The following PTPRN2 variants were observed in gnomAD, a reference collection of about 807,000 sequenced individuals.
PTPRN2 encodes protein tyrosine phosphatase receptor type N2.
In PTPRN2, 74 loss-of-function variants were observed where a neutral mutation model predicts 118.8. The ratio of observed to expected loss-of-function variants is 0.62; its 90% confidence interval spans 0.52 to 0.76. The LOEUF (loss-of-function observed/expected upper bound fraction) is 0.76, where lower values mean the gene tolerates loss of function less well. Ranked by LOEUF, PTPRN2 falls within the 30% of genes least tolerant of loss-of-function variation. The pLI is 0.00. For synonymous variants in PTPRN2, 641 were observed against 608.0 expected, an observed-to-expected ratio of 1.05 and a Z score of -0.80; for missense variants, 1,481 against 1,394.4, an observed-to-expected ratio of 1.06 and a Z score of -0.99.
chr7:157,967,276 C>T (rs1175103041), intron 11 of PTPRN2, among the ~76,000 whole-genome samples: 1 of 152,222 alleles, frequency 6.6e-6, no homozygotes, highest in African/African-American at 2.4e-5. Flanking sequence ...TGCCACTGCA[C>T]TCCAGCCTGG....
chr7:158,433,724 ATTTC>A (rs1266418293), intron 2 of PTPRN2, among the ~76,000 whole-genome samples: 5 of 151,954 alleles, frequency 3.3e-5, no homozygotes, highest in African/African-American at 9.7e-5. Context: ...ATATTCTTAT[ATTTC>A]TTTAACTTCA....
intron 11 of PTPRN2, among the ~76,000 whole-genome samples, chr7:157,946,522 G>T (rs191451883): frequency 3.9e-4 from 60 of 152,298 alleles, no homozygotes; most frequent in African/African-American, 1.3e-3. Flanking sequence ...ATGCAGCCCA[G>T]ATGTGAAGGC....
At chr7:157,757,294 C>CATGGGTGAAGGCTGAGTCTG (rs1801845030) in intron 12 of PTPRN2, among the ~76,000 whole-genome samples, 1 of 152,136 alleles carries the variant, frequency 6.6e-6, no homozygotes, top group African/African-American at 2.4e-5. Flanking sequence ...CAGAAGTGGC[C>CATGGGTGAAGGCTGAGTCTG]CACGGAGGAG....
At chr7:158,515,935 C>T (rs921193982) in intron 1 of PTPRN2, among the ~76,000 whole-genome samples, 3 of 152,172 alleles carry the variant, frequency 2.0e-5, no homozygotes, top group Admixed American at 6.5e-5. Context: ...TCTTTCTGGA[C>T]GTTGTAACCT....
chr7:157,999,006 G>T (rs1436864074), intron 11 of PTPRN2, among the ~76,000 whole-genome samples: 1 of 151,892 alleles, frequency 6.6e-6, no homozygotes. Flanking sequence ...GACCCCTACA[G>T]TGCTGACAGT....
chr7:158,321,190 T>C (rs1178901122), intron 2 of PTPRN2, among the ~76,000 whole-genome samples: 1 of 152,040 alleles, frequency 6.6e-6, no homozygotes, highest in Non-Finnish European at 1.5e-5. Flanking sequence ...AGCTCCACCG[T>C]CTCAGACGTG....
At chr7:157,799,267 G>A (rs1321108520) in intron 12 of PTPRN2, among the ~76,000 whole-genome samples, 1 of 152,144 alleles carries the variant, frequency 6.6e-6, no homozygotes, top group East Asian at 1.9e-4. Flanking sequence ...CTGCACCGAG[G>A]CTTCAGCAGC....
chr7:158,080,388 T>A (rs1812720509), intron 11 of PTPRN2, among the ~76,000 whole-genome samples: 1 of 149,634 alleles, frequency 6.7e-6, no homozygotes, highest in South Asian at 2.1e-4. Flanking sequence ...AAACCAAGTG[T>A]CATTTCCCGC....
At chr7:157,883,714 A>T (rs1796296710) in intron 12 of PTPRN2, among the ~76,000 whole-genome samples, 1 of 147,756 alleles carries the variant, frequency 6.8e-6, no homozygotes, top group Non-Finnish European at 1.5e-5. Context: ...ACACCACCCC[A>T]GAAAAGACTG....
intron 12 of PTPRN2, among the ~76,000 whole-genome samples, chr7:157,736,277 T>G (rs1326846061): frequency 1.3e-5 from 2 of 152,112 alleles, no homozygotes; most frequent in Admixed American, 1.3e-4. Context: ...GCCTTGCAGT[T>G]TTAGAGGTTG....
chr7:158,122,667 A>G (rs1306037450), intron 9 of PTPRN2, among the ~76,000 whole-genome samples: 1 of 152,190 alleles, frequency 6.6e-6, no homozygotes. Context: ...GGAACACACT[A>G]TTATTGGCCT....
At chr7:157,660,222 A>T (rs1280101097) in intron 13 of PTPRN2, among the ~76,000 whole-genome samples, 3 of 152,128 alleles carry the variant, frequency 2.0e-5, no homozygotes, top group Non-Finnish European at 4.4e-5. Flanking sequence ...CGAGAATGTG[A>T]CCCTCTGGGG....
At position 158,550,882 on chromosome 7, in the gene PTPRN2, G is replaced by A. The variant is rs112995729; in HGVS notation, c.112+36676C>T. ...TTTTTAACTCCATCAGGCGGCCGTCGCGCTTCCCTTCACGCTTTCCTTCAC... is the reference window on the plus strand; with the variant it reads ...TTTTTAACTCCATCAGGCGGCCGTCACGCTTCCCTTCACGCTTTCCTTCAC... On this transcript the variant is annotated intron_variant, in intron 1 of 22. Coordinates refer to ENST00000389418, the MANE Select transcript of PTPRN2 (RefSeq NM_002847.5). 7.6e-3 allele frequency among the ~76,000 whole-genome samples: 1,160 copies of A among 152,250 alleles called. 11 individuals are homozygous for A. The highest frequency in any genetic ancestry group is 0.026 in the African/African-American group (1,083 of 41,536).
intron 2 of PTPRN2, among the ~76,000 whole-genome samples, chr7:158,365,862 A>ACAC (rs71200013): frequency 5.0e-4 from 69 of 138,604 alleles, no homozygotes; most frequent in Non-Finnish European, 6.7e-4. Flanking sequence ...ACACACACAC[A>ACAC]GCATCCCTGG....
At chr7:158,534,947 A>G (rs890906433) in intron 1 of PTPRN2, among the ~76,000 whole-genome samples, 4 of 152,190 alleles carry the variant, frequency 2.6e-5, no homozygotes, top group Non-Finnish European at 4.4e-5. Flanking sequence ...GTCAGCAGGC[A>G]GGCGTTTCAG....
intron 2 of PTPRN2, among the ~76,000 whole-genome samples, chr7:158,387,553 G>A (rs1811546997): frequency 6.6e-6 from 1 of 152,300 alleles, no homozygotes; most frequent in African/African-American, 2.4e-5. Context: ...GGACTCCAGG[G>A]GGCTGCGGCA....
chr7:157,926,062 G>A (rs1254223961), intron 11 of PTPRN2, among the ~76,000 whole-genome samples: 3 of 152,270 alleles, frequency 2.0e-5, no homozygotes, highest in Non-Finnish European at 2.9e-5. Context: ...TGAGGCGAAT[G>A]GATGAATTTA....
intron 2 of PTPRN2, among the ~76,000 whole-genome samples, chr7:158,416,583 A>C (rs1419449835): frequency 1.3e-5 from 2 of 152,242 alleles, no homozygotes; most frequent in Non-Finnish European, 2.9e-5. Flanking sequence ...ATTTCGCAGA[A>C]GTGAATTATC....
chr7:157,794,353 C>T lies in PTPRN2; in HGVS notation c.1788+104320G>A, dbSNP rs917793278. Among the ~76,000 whole-genome samples the T allele has an allele frequency of 1.3e-5, 2 of 151,878 alleles. No homozygotes were observed. Among genetic ancestry groups the T allele is most frequent in the African/African-American group, 4.9e-5 (2 of 41,136 alleles). On this transcript the variant is annotated intron_variant, in intron 12 of 22. Transcript: ENST00000389418. The surrounding 1 kb of genome is among the most constrained non-coding windows in gnomAD (Gnocchi z 5.2). ...CCCTGCTCCACCCAGGCTGCCTGCA[C>T]TTCCGGTTCTGCGTCTGGCCGGCCT... is the stretch of plus-strand genomic sequence containing the variant.
Sources: gnomAD v4.1 joint callset for allele counts (sites outside exome capture counted in the v4.1 genomes callset) on GRCh38, gnomAD v4.1.1 for gene constraint, Gnocchi (gnomAD v3.1) non-coding constraint, MANE v1.5 for transcripts, NCBI Gene and HGNC (gene_info 2026-07-23, HGNC 2026-07-21) for gene names.